The following LINGO2 variants were observed in gnomAD, a reference collection of about 807,000 sequenced individuals.
The protein encoded by LINGO2 is leucine rich repeat and Ig domain containing 2.
Under a neutral mutation model 30.6 loss-of-function variants are expected in LINGO2, and 14 were observed. The ratio of observed to expected loss-of-function variants is 0.46; its 90% confidence interval spans 0.30 to 0.72. The LOEUF (loss-of-function observed/expected upper bound fraction) is 0.72. LINGO2 is among the 30% of genes least tolerant of loss of function. LINGO2 has a pLI of 0.07. For missense variants in LINGO2, 729 were observed against 751.7 expected (o/e 0.97, Z 0.35); for synonymous variants, 317 against 288.5 (o/e 1.10, Z -1.00).
At chr9:28,900,468 C>T in the LINGO2 span, among the ~76,000 whole-genome samples, 5 of 152,148 alleles carry the variant, frequency 3.3e-5, no homozygotes, top group African/African-American at 1.2e-4. Flanking sequence ...CTCAAGGAAC[C>T]AGTCTCCAGA....
At chr9:28,184,583 G>A (rs1052823254) in intron 4 of LINGO2, among the ~76,000 whole-genome samples, 1 of 150,268 alleles carries the variant, frequency 6.7e-6, no homozygotes, top group African/African-American at 2.4e-5. Flanking sequence ...AGGGTAAGAG[G>A]GGGGAGAGAA....
At chr9:29,177,966 C>T in the LINGO2 span, among the ~76,000 whole-genome samples, 1 of 152,084 alleles carries the variant, frequency 6.6e-6, no homozygotes. Context: ...AATTACCTCT[C>T]ACCTTCTCTT....
chr9:28,266,170 G>A (rs1431175113), intron 4 of LINGO2, among the ~76,000 whole-genome samples: 1 of 151,938 alleles, frequency 6.6e-6, no homozygotes, highest in Non-Finnish European at 1.5e-5. Context: ...TCTCTTTAGT[G>A]AAATGAGACA....
chr9:28,051,547 G>T (rs1305708447), intron 4 of LINGO2, among the ~76,000 whole-genome samples: 1 of 152,054 alleles, frequency 6.6e-6, no homozygotes, highest in African/African-American at 2.4e-5. Context: ...GCAGGGAACA[G>T]ATAAATTCCT....
the LINGO2 span, among the ~76,000 whole-genome samples, chr9:28,704,252 C>A: frequency 6.6e-6 from 1 of 152,004 alleles, no homozygotes; most frequent in Non-Finnish European, 1.5e-5. Flanking sequence ...ACCCCATTCT[C>A]TTCTTGCTTG....
chr9:28,626,825 ATT>A lies in LINGO2; in HGVS notation c.-365+43373_-365+43374del, dbSNP rs1491416353. Among the ~76,000 whole-genome samples the A allele has an allele frequency of 9.3e-5, 14 of 149,914 alleles. No individual in the cohort carries two copies. The South Asian group carries it at 1.1e-3, about 11-fold the overall frequency. On this transcript the variant is annotated intron_variant, in intron 1 of 5. Transcript: ENST00000379992. ...TGTTTTTTTCAGCTCTAAAAATTCT[ATT>A]GTGTGTGTGTGTGTGTGTCTTCCAT...
chr9:28,645,400 T>A (rs1328642837), intron 1 of LINGO2, among the ~76,000 whole-genome samples: 1 of 152,114 alleles, frequency 6.6e-6, no homozygotes, highest in Non-Finnish European at 1.5e-5. Flanking sequence ...CCATGGTATT[T>A]AAAATAGAAA....
intron 4 of LINGO2, among the ~76,000 whole-genome samples, chr9:28,197,367 A>G (rs570273565): frequency 5.5e-4 from 84 of 152,144 alleles, no homozygotes; most frequent in Admixed American, 1.1e-3. Context: ...TATCTTAAAC[A>G]GTGTAGTAAA....
intron 2 of LINGO2, among the ~76,000 whole-genome samples, chr9:28,411,039 C>G (rs1822741092): frequency 6.6e-6 from 1 of 152,056 alleles, no homozygotes; most frequent in Non-Finnish European, 1.5e-5. Context: ...CTGAAGGCTG[C>G]TAGCTGCAAA....
intron 1 of LINGO2, among the ~76,000 whole-genome samples, chr9:28,510,653 C>T (rs548030420): frequency 1.3e-5 from 2 of 148,974 alleles, no homozygotes; most frequent in East Asian, 4.1e-4. Context: ...AGCGCAAACC[C>T]AGGTTGTTCT....
the LINGO2 span, among the ~76,000 whole-genome samples, chr9:28,948,572 C>T: frequency 4.6e-5 from 7 of 152,006 alleles, no homozygotes; most frequent in Admixed American, 3.9e-4. Context: ...ACTTAAAAGT[C>T]AAATTTATTG....
chr9:29,042,700 T>G, the LINGO2 span, among the ~76,000 whole-genome samples: 1 of 152,002 alleles, frequency 6.6e-6, no homozygotes, highest in Non-Finnish European at 1.5e-5. Context: ...TTTTAATATA[T>G]GTACACATTG....
chr9:28,696,085 T>C, the LINGO2 span, among the ~76,000 whole-genome samples: 181 of 152,086 alleles, frequency 1.2e-3, 1 homozygote, highest in Non-Finnish European at 2.0e-3. Flanking sequence ...ACAGAAATCA[T>C]TGAAATCCTT....
chr9:28,281,911 C>A (rs5007461), intron 4 of LINGO2, among the ~76,000 whole-genome samples: 147,037 of 152,186 alleles, frequency 0.97, 71,151 homozygotes, highest in Middle Eastern at 1. Flanking sequence ...TGAACCTGTA[C>A]CTGTTTCCAA....
chr9:27,984,614 T>C (rs907354380), intron 5 of LINGO2, among the ~76,000 whole-genome samples: 11 of 151,956 alleles, frequency 7.2e-5, no homozygotes, highest in African/African-American at 1.7e-4. Context: ...CTTTCTACTA[T>C]AGATCACTGA....
At chr9:28,744,640 ATT>A in the LINGO2 span, among the ~76,000 whole-genome samples, 2 of 113,864 alleles carry the variant, frequency 1.8e-5, no homozygotes, top group Non-Finnish European at 1.7e-5. Flanking sequence ...GTGTGTGTGT[ATT>A]TTTTTTTTTT....
chr9:28,077,142 G>T (rs62556511), intron 4 of LINGO2, among the ~76,000 whole-genome samples: 32,443 of 151,800 alleles, frequency 0.21, 3,912 homozygotes, highest in East Asian at 0.41. Flanking sequence ...GTGAACATGT[G>T]GTCAGAAAAA....
intron 3 of LINGO2, among the ~76,000 whole-genome samples, chr9:28,324,393 A>C (rs1825151643): frequency 6.6e-6 from 1 of 152,148 alleles, no homozygotes; most frequent in Admixed American, 6.5e-5. Flanking sequence ...ATCTTGAATA[A>C]GGGCTGGTTA....
the LINGO2 span, among the ~76,000 whole-genome samples, chr9:28,991,659 CG>C: frequency 4.3e-4 from 65 of 150,108 alleles, no homozygotes; most frequent in Non-Finnish European, 8.4e-4. Context: ...AGACTAACAG[CG>C]GATCTCTCGG....
Sources: allele counts gnomAD v4.1 joint callset (sites outside exome capture counted in the v4.1 genomes callset), GRCh38; gene constraint gnomAD v4.1.1; transcripts MANE v1.5; gene names NCBI Gene and HGNC (gene_info 2026-07-23, HGNC 2026-07-21).